The following MTCL1 variants were observed in gnomAD, a reference collection of about 807,000 sequenced individuals.
MTCL1 encodes microtubule cross-linking factor 1.
In MTCL1, 79 loss-of-function variants were observed where a neutral mutation model predicts 141.4. The observed-to-expected ratio is 0.56, with a 90% CI of 0.47 to 0.67. MTCL1 has a LOEUF of 0.67. MTCL1 is among the 30% of genes least tolerant of loss of function. The probability of loss-of-function intolerance (pLI) is 0.00; values close to 1 mark genes in which losing one functional copy is unlikely to be tolerated. For missense variants in MTCL1, 2,177 were observed against 2,113.9 expected, an observed-to-expected ratio of 1.03 and a Z score of -0.59; for synonymous variants, 914 against 875.8, an observed-to-expected ratio of 1.04 and a Z score of -0.77.
At chr18:8,712,082 C>T (rs1367608360) in intron 1 of MTCL1, among the ~76,000 whole-genome samples, 1 of 152,196 alleles carries the variant, frequency 6.6e-6, no homozygotes, top group East Asian at 1.9e-4. Context: ...CCACACCTCC[C>T]CCACCCCCAA....
intron 4 of MTCL1, among the ~76,000 whole-genome samples, chr18:8,726,286 C>CTTTTTTTTTT (rs77665680): frequency 3.9e-5 from 4 of 102,260 alleles, no homozygotes; most frequent in Admixed American, 1.1e-4. Context: ...TTCTTTTTTT[C>CTTTTTTTTTT]TTTTTTTTTT....
rs564711529 is a variant in MTCL1 at position 8,748,154 on chromosome 18, C to T, written c.357+27658C>T. Among the ~76,000 whole-genome samples the T allele has an allele frequency of 6.6e-5, 10 of 152,314 alleles. No homozygotes were observed. The South Asian group carries it at 2.1e-3, about 32-fold the overall frequency. On this transcript the variant is annotated intron_variant, in intron 4 of 16. Coordinates refer to ENST00000359865, the Ensembl canonical transcript of MTCL1. ...GTTCTGCCCTGTTGCTTTCTAGTCT[C>T]TCTGCCTGCACTGAACTGAGGTGCC...
chr18:8,801,393 C>G (rs1258402250), intron 10 of MTCL1, among the ~76,000 whole-genome samples: 1 of 151,284 alleles, frequency 6.6e-6, no homozygotes, highest in African/African-American at 2.4e-5. Flanking sequence ...TACCGTGATT[C>G]ATTCTTCAGT....
chr18:8,830,723 C>G lies in MTCL1; in HGVS notation c.*19-884C>G. The stretch of plus-strand genomic sequence containing the variant: ...GTCATTCCAGCCAGCGGGCTCCATG[C>G]TGGGCAACTCAGTTTTCTCATGCCA... On this transcript the variant is annotated intron_variant, in intron 16 of 16. Transcript: ENST00000359865. This position sits in a 1 kb window ranked among gnomAD's most constrained non-coding sequence, Gnocchi z 6.4. The G allele has an allele frequency of 9.1e-6, 9 of 985,514 alleles. No homozygotes were observed. Among genetic ancestry groups the G allele is most frequent in the Non-Finnish European group, 1.1e-5 (9 of 829,952 alleles). The allele number at this position is 985,514 out of a possible 1,614,324, so 61.0% of individuals were successfully genotyped here. A position where few individuals can be genotyped will look rare whatever the true frequency, so the allele number is the denominator to read the frequency against.
chr18:8,809,312 T>G, intron 11 of MTCL1: 1 of 1,119,700 alleles, frequency 8.9e-7, no homozygotes, highest in East Asian at 2.6e-5. Context: ...GGTCACTAAC[T>G]TTCCACTAAA....
chr18:8,726,008 G>A (rs574858003), intron 4 of MTCL1, among the ~76,000 whole-genome samples: 3 of 151,768 alleles, frequency 2.0e-5, no homozygotes, highest in East Asian at 3.9e-4. Context: ...AGCCAGGATG[G>A]TCTCAATCTC....
chr18:8,831,509 C>A, intron 16 of MTCL1, 98 bp from the exon 15 acceptor site: 1 of 1,492,822 alleles, frequency 6.7e-7, no homozygotes, highest in Non-Finnish European at 9.0e-7. Flanking sequence ...GTGTATACTT[C>A]ATCTCACTTG....
rs1278515792 is a variant in MTCL1 at position 8,822,055 on chromosome 18, T to C, written c.3188+557T>C. ...CATACCGTTTCTACTACATGAAATT[T>C]CTTCTCAGGCAATTCAGCATTTCCA... On this transcript the variant is annotated intron_variant, in intron 14 of 16. Transcript: ENST00000359865. The surrounding 1 kb of genome is among the most constrained non-coding windows in gnomAD (Gnocchi z 4.6). 6.6e-6 allele frequency among the ~76,000 whole-genome samples: 1 copy of C among 152,228 alleles called. No individual in the cohort carries two copies. The highest frequency in any genetic ancestry group is 1.5e-5 in the Non-Finnish European group (1 of 68,048).
At chr18:8,774,131 A>G (rs2096495559) in intron 4 of MTCL1, among the ~76,000 whole-genome samples, 2 of 152,226 alleles carry the variant, frequency 1.3e-5, no homozygotes, top group Non-Finnish European at 2.9e-5. Context: ...TTTGTTTACA[A>G]AACAGGCTGT....
chr18:8,825,097 C>T lies in MTCL1; in HGVS notation c.3587C>T (p.Pro1196Leu), dbSNP rs552893048. The change falls in exon 15 of 17, where the codon CCG becomes CTG. Residue 1196 changes from proline to leucine, a missense_variant. By Grantham distance (98) the Pro-to-Leu change is moderately conservative (BLOSUM62 -3). Coordinates refer to ENST00000359865, the Ensembl canonical transcript of MTCL1. The stretch of plus-strand genomic sequence containing the variant: ...TCGGGGTTGCGCGTGTTACACAGCC[C>T]GCCTGCCGTGCGCAGGGTCGACAGC... The T allele has an allele frequency of 1.0e-5, 16 of 1,606,398 alleles. No individual in the cohort carries two copies. Among genetic ancestry groups the T allele is most frequent in the South Asian group, 6.7e-5 (6 of 90,170 alleles).
intron 3 of MTCL1, 85 bp from the exon 3 acceptor site, chr18:8,720,253 G>T: frequency 1.5e-6 from 2 of 1,330,514 alleles, no homozygotes; most frequent in South Asian, 1.3e-5. Context: ...ATTACTTAAT[G>T]ATTTTGCCTC....
At chr18:8,776,736 TA>T (rs2096511220) in intron 4 of MTCL1, among the ~76,000 whole-genome samples, 1 of 107,916 alleles carries the variant, frequency 9.3e-6, no homozygotes. Context: ...TTTATTTATT[TA>T]TTTATTTATT....
chr18:8,791,594 C>G (rs1469311239), intron 7 of MTCL1, among the ~76,000 whole-genome samples: 2 of 151,962 alleles, frequency 1.3e-5, no homozygotes, highest in African/African-American at 4.8e-5. Context: ...AGTGCCTACA[C>G]AGCTATTAAA....
intron 10 of MTCL1, among the ~76,000 whole-genome samples, chr18:8,800,101 G>A (rs1162759890): frequency 6.6e-6 from 1 of 152,226 alleles, no homozygotes; most frequent in Admixed American, 6.5e-5. Flanking sequence ...AAGGACGGAA[G>A]ATGGACGAGC....
chr18:8,760,513 G>GTGTTAGGGTTTTGACTT (rs2096426544), intron 4 of MTCL1, among the ~76,000 whole-genome samples: 1 of 152,234 alleles, frequency 6.6e-6, no homozygotes, highest in South Asian at 2.1e-4. Context: ...CACCTGCTAG[G>GTGTTAGGGTTTTGACTT]AAGCAAATGT....
intron 4 of MTCL1, among the ~76,000 whole-genome samples, chr18:8,748,468 G>T (rs547784311): frequency 6.6e-6 from 1 of 151,972 alleles, no homozygotes; most frequent in African/African-American, 2.4e-5. Context: ...GTTTGAGCGC[G>T]GGAGATCAAG....
At chr18:8,723,769 C>T (rs1220463011) in intron 4 of MTCL1, among the ~76,000 whole-genome samples, 5 of 152,212 alleles carry the variant, frequency 3.3e-5, no homozygotes, top group African/African-American at 7.2e-5. Context: ...CCTTAACCCT[C>T]TTCTCCCTTC....
chr18:8,795,974 A>C (rs926511815), intron 8 of MTCL1, among the ~76,000 whole-genome samples: 5 of 152,228 alleles, frequency 3.3e-5, no homozygotes, highest in Admixed American at 2.6e-4. Context: ...TAAAAACACC[A>C]TGAGAGACTT....
upstream of MTCL1, among the ~76,000 whole-genome samples, chr18:8,713,995 C>T (rs1201336917): frequency 6.6e-6 from 1 of 152,204 alleles, no homozygotes. Flanking sequence ...GTTGCAGTGT[C>T]TTCCTAAGAA....
Sources: gnomAD v4.1 joint callset for allele counts (sites outside exome capture counted in the v4.1 genomes callset) on GRCh38, gnomAD v4.1.1 for gene constraint, Gnocchi (gnomAD v3.1) non-coding constraint, MANE v1.5 for transcripts, NCBI Gene and HGNC (gene_info 2026-07-23, HGNC 2026-07-21) for gene names.